The following ONECUT1 variants were observed in gnomAD, a reference collection of about 807,000 sequenced individuals.
ONECUT1 encodes one cut homeobox 1.
Under a neutral mutation model 25.6 loss-of-function variants are expected in ONECUT1, and 12 were observed. That is an observed-to-expected ratio of 0.47 (90% CI 0.30 to 0.76). The LOEUF is 0.76. ONECUT1 is among the 30% of genes least tolerant of loss of function. ONECUT1 has a pLI of 0.07. For missense variants in ONECUT1, 620 were observed against 651.2 expected (o/e 0.95, Z 0.52); for synonymous variants, 285 against 270.2 (o/e 1.05, Z -0.54).
At chr15:52,758,055 A>G (rs2440332) in intron 1 of ONECUT1, among the ~76,000 whole-genome samples, 117,435 of 152,114 alleles carry the variant, frequency 0.77, 45,995 homozygotes, top group East Asian at 1. Flanking sequence ...AGGCCTGGGC[A>G]TGGGTTGTGG....
intron 1 of ONECUT1, among the ~76,000 whole-genome samples, chr15:52,786,580 C>G (rs1360140101): frequency 1.3e-5 from 2 of 152,262 alleles, no homozygotes; most frequent in African/African-American, 2.4e-5. Flanking sequence ...CTGGGTGCCA[C>G]AAGCACCTGC....
intron 1 of ONECUT1, among the ~76,000 whole-genome samples, chr15:52,781,469 T>G (rs537531175): frequency 5.9e-5 from 9 of 152,336 alleles, no homozygotes; most frequent in African/African-American, 2.2e-4. Context: ...TTGAATCAGT[T>G]ATTTCCACAT....
chr15:52,776,232 G>C (rs1048767106), intron 1 of ONECUT1, among the ~76,000 whole-genome samples: 1 of 152,156 alleles, frequency 6.6e-6, no homozygotes, highest in African/African-American at 2.4e-5. Flanking sequence ...CCCACCTATC[G>C]TAGGAATGTA....
intron 1 of ONECUT1, among the ~76,000 whole-genome samples, chr15:52,760,345 A>C (rs2083698967): frequency 6.6e-6 from 1 of 152,230 alleles, no homozygotes; most frequent in Non-Finnish European, 1.5e-5. Context: ...AGTCAACTCC[A>C]GTTGGTTTGA....
In ONECUT1 at chr15:52,789,126, G is replaced by A. The variant is rs747671655; in HGVS notation, c.759C>T (p.His253=). 1.2e-6 allele frequency: 2 copies of A among 1,600,640 alleles called. No homozygotes were observed. Among genetic ancestry groups the A allele is most frequent in the Non-Finnish European group, 1.7e-6 (2 of 1,179,608 alleles). The change falls in exon 1 of 2, where the codon CAC becomes CAT. Residue 253 remains histidine, a synonymous_variant. Transcript: ENST00000305901. The surrounding 1 kb of genome is among the most constrained non-coding windows in gnomAD (Gnocchi z 4.1). ...CGTGGCCCTGGGCGTTCAGGTGGGC[G>A]TGGGGATGGTGCGGAGGAAGGCCGT... ...PINGLPPHHP[H]AHLNAQGHGQ... is the part of the protein sequence containing the mutation.
Position 52,757,704 on chromosome 15 carries a change from T to C in ONECUT1, c.1249A>G (p.Thr417Ala). The change falls in exon 2 of 2, where the codon ACC (threonine) becomes GCC (alanine). Residue 417 changes from threonine to alanine, a missense_variant. Thr to Ala is a moderately conservative substitution (Grantham distance 58). Coordinates refer to ENST00000305901, the MANE Select transcript of ONECUT1 (RefSeq NM_004498.4). ...NKRPSKELQI[T>A]ISQQLGLELS... ...TCCAACCCCAGCTGCTGGGAAATGG[T>C]GATTTGCAATTCTTTGGATGGACGC... The C allele has an allele frequency of 1.2e-6, 2 of 1,614,164 alleles. No homozygotes were observed. The highest frequency in any genetic ancestry group is 1.3e-5 in the African/African-American group (1 of 75,038).
chr15:52,762,440 G>A (rs2083711437), intron 1 of ONECUT1, among the ~76,000 whole-genome samples: 1 of 152,146 alleles, frequency 6.6e-6, no homozygotes, highest in Non-Finnish European at 1.5e-5. Flanking sequence ...CTTTTTGGTG[G>A]AGACTGTCGA....
intron 1 of ONECUT1, among the ~76,000 whole-genome samples, chr15:52,775,805 C>A (rs2141456535): frequency 6.6e-6 from 1 of 152,320 alleles, no homozygotes; most frequent in Non-Finnish European, 1.5e-5. Flanking sequence ...TGATTAGTTT[C>A]CATCACAGAT....
At chr15:52,779,976 G>A (rs1295470317) in intron 1 of ONECUT1, among the ~76,000 whole-genome samples, 2 of 152,200 alleles carry the variant, frequency 1.3e-5, no homozygotes, top group Non-Finnish European at 2.9e-5. Context: ...AACAGGATGG[G>A]TGTTGGTGTG....
In ONECUT1 at chr15:52,788,100, C is replaced by G. The variant is rs1406935140; in HGVS notation, c.1105+680G>C. Reference sequence around the variant, plus strand: ...AGGACATGGCTATTGCTTTGCAGCTCTCACTGGGACCTTGGGACGGTCAGC... The same window carrying G: ...AGGACATGGCTATTGCTTTGCAGCTGTCACTGGGACCTTGGGACGGTCAGC... On this transcript the variant is annotated intron_variant, in intron 1 of 1. Coordinates refer to ENST00000305901, the MANE Select transcript of ONECUT1 (RefSeq NM_004498.4). This position sits in a 1 kb window ranked among gnomAD's most constrained non-coding sequence, Gnocchi z 4.3. 6.6e-6 allele frequency: 1 copy of G among 152,402 alleles called. No individual in the cohort carries two copies. The highest frequency in any genetic ancestry group is 1.5e-5 in the Non-Finnish European group (1 of 68,142). The allele number at this position is 152,402 out of a possible 1,614,324, so 9.4% of individuals were successfully genotyped here. A position where few individuals can be genotyped will look rare whatever the true frequency, so the allele number is the denominator to read the frequency against.
At position 52,788,315 on chromosome 15, in the gene ONECUT1, C is replaced by G. The variant is rs535673786; in HGVS notation, c.1105+465G>C. 6.2e-6 allele frequency: 1 copy of G among 160,836 alleles called. No individual in the cohort carries two copies. Among genetic ancestry groups the G allele is most frequent in the South Asian group, 1.9e-4 (1 of 5,158 alleles). 10.0% of individuals were successfully genotyped at this position (160,836 alleles called of 1,614,324 possible). A position where few individuals can be genotyped will look rare whatever the true frequency, so the allele number is the denominator to read the frequency against. Reference sequence around the variant, plus strand: ...CACAGCAGCCAGTTCGGCCAAACATCGACGCTGCTCCGGCACGCTCCAGCC... The same window carrying G: ...CACAGCAGCCAGTTCGGCCAAACATGGACGCTGCTCCGGCACGCTCCAGCC... On this transcript the variant is annotated intron_variant, in intron 1 of 1. Transcript: ENST00000305901. The surrounding 1 kb of genome is among the most constrained non-coding windows in gnomAD (Gnocchi z 4.3).
At chr15:52,782,288 AT>A (rs1238023053) in intron 1 of ONECUT1, among the ~76,000 whole-genome samples, 1 of 152,194 alleles carries the variant, frequency 6.6e-6, no homozygotes, top group African/African-American at 2.4e-5. Context: ...GTGATAAGTA[AT>A]TTTTATGTTT....
chr15:52,770,084 C>T (rs146678832), intron 1 of ONECUT1, among the ~76,000 whole-genome samples: 10 of 152,252 alleles, frequency 6.6e-5, no homozygotes, highest in African/African-American at 2.4e-4. Context: ...TTGAGTAGGA[C>T]CTCTGGCTAT....
chr15:52,782,035 C>CT (rs1566993524), intron 1 of ONECUT1, among the ~76,000 whole-genome samples: 1 of 152,232 alleles, frequency 6.6e-6, no homozygotes, highest in South Asian at 2.1e-4. Context: ...AAGAAAATTT[C>CT]TTTTTTTCTT....
chr15:52,789,959 C>T lies in ONECUT1; in HGVS notation c.-75G>A. Reference sequence around the variant, plus strand: ...GAGGCGGCGAGGGGCGCACGGAGTCCGGTCTTCACATCGGCTGCTGGCGAC... The same window carrying T: ...GAGGCGGCGAGGGGCGCACGGAGTCTGGTCTTCACATCGGCTGCTGGCGAC... On this transcript the variant is annotated 5_prime_UTR_variant, in exon 1 of 2. Transcript: ENST00000305901. This position sits in a 1 kb window ranked among gnomAD's most constrained non-coding sequence, Gnocchi z 4.1. 1 of 1,454,640 alleles carries T rather than the reference C, an allele frequency of 6.9e-7. No homozygotes were observed. The highest frequency in any genetic ancestry group is 1.4e-5 in the South Asian group (1 of 70,358). The allele number at this position is 1,454,640 out of a possible 1,614,324, so 90.1% of individuals were successfully genotyped here.
rs1172867830 is a variant in ONECUT1 at position 52,757,481 on chromosome 15, T to C, written c.*74A>G. 2.1e-6 allele frequency: 3 copies of C among 1,455,724 alleles called. No individual in the cohort carries two copies. Among genetic ancestry groups the C allele is most frequent in the East Asian group, 2.3e-5 (1 of 43,918 alleles). 90.2% of individuals were successfully genotyped at this position (1,455,724 alleles called of 1,614,324 possible). A position where few individuals can be genotyped will look rare whatever the true frequency, so the allele number is the denominator to read the frequency against. ...ATTTCTAAGTATAAACCTGCTATCT[T>C]GAGGTCCTGGTCTTTTAAAAATTTT... On this transcript the variant is annotated 3_prime_UTR_variant, in exon 2 of 2. Coordinates refer to ENST00000305901, the MANE Select transcript of ONECUT1 (RefSeq NM_004498.4).
intron 1 of ONECUT1, among the ~76,000 whole-genome samples, chr15:52,763,323 T>C (rs1274465957): frequency 1.3e-5 from 2 of 151,518 alleles, no homozygotes; most frequent in Non-Finnish European, 2.9e-5. Flanking sequence ...GAAGTAGGCA[T>C]GAAAGATGGT....
chr15:52,782,537 G>T (rs1261980315), intron 1 of ONECUT1, among the ~76,000 whole-genome samples: 1 of 152,094 alleles, frequency 6.6e-6, no homozygotes, highest in African/African-American at 2.4e-5. Context: ...AAATAATGTG[G>T]CTTTCTTCTC....
chr15:52,782,612 G>T (rs1408478561), intron 1 of ONECUT1, among the ~76,000 whole-genome samples: 27 of 152,048 alleles, frequency 1.8e-4, no homozygotes, highest in Admixed American at 1.8e-3. Context: ...ATAAATATTT[G>T]TTAAATGTTT....
Sources: allele counts gnomAD v4.1 joint callset (sites outside exome capture counted in the v4.1 genomes callset), GRCh38; gene constraint gnomAD v4.1.1; non-coding constraint Gnocchi (gnomAD v3.1); transcripts MANE v1.5; gene names NCBI Gene and HGNC (gene_info 2026-07-23, HGNC 2026-07-21).